Variants in ASXL3 observed in about 807,000 individuals in gnomAD.
ASXL3 encodes the protein ASXL transcriptional regulator 3.
In ASXL3, 34 loss-of-function variants were observed where a neutral mutation model predicts 170.6. The ratio of observed to expected loss-of-function variants is 0.20; its 90% confidence interval spans 0.15 to 0.27. The LOEUF is 0.27. ASXL3 is among the 10% of genes least tolerant of loss of function. The pLI, the probability that ASXL3 is intolerant of heterozygous loss-of-function variation, is 1.00. For missense variants in ASXL3, 2,592 were observed against 2,695.3 expected (o/e 0.96, Z 0.85); for synonymous variants, 1,002 against 989.1 (o/e 1.01, Z -0.24).
chr18:33,661,664 G>A lies in ASXL3; in HGVS notation c.404G>A (p.Ser135Asn), dbSNP rs2066175790. The A allele has an allele frequency of 6.2e-7, 1 of 1,612,560 alleles. No individual in the cohort carries two copies. Among genetic ancestry groups the A allele is most frequent in the South Asian group, 1.1e-5 (1 of 90,948 alleles). Reference sequence around the variant, plus strand: ...GAAGCATCTTCCACTCGAGATTCAAGCCTTACTAACACAGCAGTGCAAAGC... The same window carrying A: ...GAAGCATCTTCCACTCGAGATTCAAACCTTACTAACACAGCAGTGCAAAGC... ...TDEASSTRDS[S>N]LTNTAVQSKL... Residue 135 changes from serine to asparagine, a missense_variant, in exon 5 of 12, where the codon AGC becomes AAC. Ser to Asn is a conservative substitution (Grantham distance 46). Coordinates refer to ENST00000269197, the MANE Select transcript of ASXL3 (RefSeq NM_030632.3).
At chr18:33,638,120 G>A (rs963741189) in intron 2 of ASXL3, among the ~76,000 whole-genome samples, 1 of 149,240 alleles carries the variant, frequency 6.7e-6, no homozygotes, top group Non-Finnish European at 1.5e-5. Flanking sequence ...ATGTATATAT[G>A]TGCATGTGTA....
chr18:33,621,987 A>G (rs2065522064), intron 2 of ASXL3, among the ~76,000 whole-genome samples: 1 of 152,202 alleles, frequency 6.6e-6, no homozygotes, highest in Admixed American at 6.6e-5. Context: ...ATATTTAAAT[A>G]TAATCACAGT....
intron 4 of ASXL3, among the ~76,000 whole-genome samples, chr18:33,648,948 G>T (rs934304634): frequency 1.3e-5 from 2 of 152,054 alleles, no homozygotes; most frequent in Admixed American, 6.6e-5. Context: ...TTTGGCAGTG[G>T]TAATTTTTGT....
At chr18:33,579,591 G>A (rs1191217039) in intron 1 of ASXL3, among the ~76,000 whole-genome samples, 1 of 152,160 alleles carries the variant, frequency 6.6e-6, no homozygotes, top group African/African-American at 2.4e-5. Flanking sequence ...ATGTATATGT[G>A]TGGGTTTTTC....
chr18:33,672,925 T>C (rs1235540905), intron 7 of ASXL3, among the ~76,000 whole-genome samples: 3 of 152,170 alleles, frequency 2.0e-5, no homozygotes, highest in Non-Finnish European at 4.4e-5. Context: ...AGAATCTCTT[T>C]TTTATTTAAA....
intron 2 of ASXL3, among the ~76,000 whole-genome samples, chr18:33,615,851 A>T (rs2065413945): frequency 6.6e-6 from 1 of 152,146 alleles, no homozygotes. Flanking sequence ...ATTACACCTT[A>T]CATTTAGATA....
intron 2 of ASXL3, among the ~76,000 whole-genome samples, chr18:33,633,144 C>T (rs2065705719): frequency 1.3e-5 from 2 of 152,114 alleles, no homozygotes; most frequent in South Asian, 4.1e-4. Context: ...TTGATACTAT[C>T]CGTCATTAAC....
chr18:33,603,457 TA>T (rs776374770), intron 1 of ASXL3, among the ~76,000 whole-genome samples: 12 of 152,026 alleles, frequency 7.9e-5, no homozygotes, highest in Non-Finnish European at 1.5e-4. Flanking sequence ...TGTAGTAGTC[TA>T]GGGGAGGAAA....
In ASXL3 at chr18:33,646,308, G is replaced by T; in HGVS notation, c.310G>T (p.Gly104Cys). 6.2e-7 allele frequency: 1 copy of T among 1,611,032 alleles called. No individual in the cohort carries two copies. Among genetic ancestry groups the T allele is most frequent in the South Asian group, 1.1e-5 (1 of 90,880 alleles). The change falls in exon 4 of 12, where the codon GGT becomes TGT. Residue 104 changes from glycine to cysteine, a missense_variant. Transcript: ENST00000269197. The stretch of plus-strand genomic sequence containing the variant: ...TTTAGTCTGTGAATCTGAATTGGAT[G>T]GTACAGATATGGCCGAGGCAAATGC... ...LDLVCESELDGTDMAEANAHG... is the reference protein window; with the variant it reads ...LDLVCESELDCTDMAEANAHG...
At chr18:33,656,183 C>T (rs9944994) in intron 4 of ASXL3, among the ~76,000 whole-genome samples, 77,323 of 151,898 alleles carry the variant, frequency 0.51, 20,148 homozygotes, top group East Asian at 0.79. Context: ...CACTATGTAT[C>T]CTTTGAGTTA....
Position 33,732,007 on chromosome 18 carries a change from C to A in ASXL3, c.919C>A (p.Leu307Ile). 1.2e-6 allele frequency: 2 copies of A among 1,612,946 alleles called. No homozygotes were observed. The highest frequency in any genetic ancestry group is 8.5e-7 in the Non-Finnish European group (1 of 1,179,560). The change falls in exon 9 of 12, where the codon CTA (leucine) becomes ATA (isoleucine). Residue 307 changes from leucine (L) to isoleucine (I), a missense_variant. By Grantham distance (5) the Leu-to-Ile change is conservative. Transcript: ENST00000269197. ...AATTTTACGCCTCAGTACTTCAGCT[C>A]TAAATAATGAATTCTTTGCATATGC... is the stretch of plus-strand genomic sequence containing the variant. ...DGILRLSTSALNNEFFAYAAQ... is the reference protein window; with the variant it reads ...DGILRLSTSAINNEFFAYAAQ...
At chr18:33,704,802 G>A (rs569696342) in intron 8 of ASXL3, among the ~76,000 whole-genome samples, 18 of 151,828 alleles carry the variant, frequency 1.2e-4, no homozygotes, top group African/African-American at 3.1e-4. Flanking sequence ...TGTTTTATAC[G>A]TTAGAAGTAT....
At chr18:33,683,636 AT>A in intron 8 of ASXL3, 68 bp downstream of exon 8, 5 of 1,434,176 alleles carry the variant, frequency 3.5e-6, no homozygotes, top group Non-Finnish European at 4.7e-6. Flanking sequence ...AAGGTCTATT[AT>A]CAAAGATGAC....
chr18:33,646,756 G>A (rs2065920382), intron 4 of ASXL3, among the ~76,000 whole-genome samples: 1 of 149,256 alleles, frequency 6.7e-6, no homozygotes, highest in Admixed American at 6.8e-5. Flanking sequence ...TTGTTCCTTG[G>A]TTTGTCTTTT....
chr18:33,641,446 A>T (rs1290917261), intron 2 of ASXL3, among the ~76,000 whole-genome samples: 1 of 152,100 alleles, frequency 6.6e-6, no homozygotes, highest in Non-Finnish European at 1.5e-5. Context: ...TGGCAGGTGT[A>T]TAGGAAAGGG....
intron 3 of ASXL3, among the ~76,000 whole-genome samples, chr18:33,645,254 C>A (rs2065900755): frequency 6.6e-6 from 1 of 151,834 alleles, no homozygotes; most frequent in Admixed American, 6.6e-5. Flanking sequence ...ATTCTTGATT[C>A]CTTAAAGTTT....
At chr18:33,622,183 AC>A (rs2065525285) in intron 2 of ASXL3, among the ~76,000 whole-genome samples, 2 of 152,146 alleles carry the variant, frequency 1.3e-5, no homozygotes, top group African/African-American at 2.4e-5. Context: ...TGATTATTTT[AC>A]TGATTAAAAG....
rs1312226952 is a variant in ASXL3 at position 33,750,596 on chromosome 18, T to C, written c.*4001T>C. Reference sequence around the variant, plus strand: ...TTTTTTTTTTGGTCAGTATTCTGAATGTTTACATCTGTTTGACATTAGCCA... The same window carrying C: ...TTTTTTTTTTGGTCAGTATTCTGAACGTTTACATCTGTTTGACATTAGCCA... On this transcript the variant is annotated 3_prime_UTR_variant, in exon 12 of 12. Coordinates refer to ENST00000269197, the MANE Select transcript of ASXL3 (RefSeq NM_030632.3). 1.3e-5 allele frequency: 2 copies of C among 151,454 alleles called. No homozygotes were observed. Among genetic ancestry groups the C allele is most frequent in the African/African-American group, 2.4e-5 (1 of 40,974 alleles). The allele number at this position is 151,454 out of a possible 1,614,324, so 9.4% of individuals were successfully genotyped here. A position where few individuals can be genotyped will look rare whatever the true frequency, so the allele number is the denominator to read the frequency against.
chr18:33,582,589 A>T (rs2065002348), intron 1 of ASXL3, among the ~76,000 whole-genome samples: 1 of 152,154 alleles, frequency 6.6e-6, no homozygotes, highest in African/African-American at 2.4e-5. Context: ...GTGACACCTG[A>T]AAATAAATCT....
Sources: allele counts gnomAD v4.1 joint callset (sites outside exome capture counted in the v4.1 genomes callset), GRCh38; gene constraint gnomAD v4.1.1; transcripts MANE v1.5; gene names NCBI Gene and HGNC (gene_info 2026-07-23, HGNC 2026-07-21).